PCDH11X: variants seen among roughly 807,000 people sequenced by gnomAD.
The protein encoded by PCDH11X is protocadherin-11 X-linked.
PCDH11X carries 18 observed loss-of-function variants against 53.3 expected under a neutral mutation model. That is an observed-to-expected ratio of 0.34 (90% CI 0.23 to 0.50). PCDH11X has a LOEUF of 0.50. Among genes scored for constraint, PCDH11X ranks in the 20% least tolerant of loss-of-function variants. The pLI, the probability that PCDH11X is intolerant of heterozygous loss-of-function variation, is 0.98. For synonymous variants in PCDH11X, 279 were observed against 393.3 expected (o/e 0.71, Z 3.44); for missense variants, 570 against 1,032.4 (o/e 0.55, Z 6.14).
chrX:92,215,369 G>A (rs1242581926), intron 7 of PCDH11X, among the ~76,000 whole-genome samples: 1 of 106,916 alleles, frequency 9.4e-6, no homozygotes, highest in African/African-American at 3.4e-5. Context: ...CTTTTCCGAT[G>A]AGCTTAAAAA....
chrX:92,486,552 C>A (rs2148679623), intron 10 of PCDH11X, among the ~76,000 whole-genome samples: 1 of 111,772 alleles, frequency 8.9e-6, no homozygotes, highest in South Asian at 3.7e-4. Flanking sequence ...TCACAAGTCA[C>A]AATTTAAAAT....
chrX:92,155,627 T>C, intron 6 of PCDH11X, among the ~76,000 whole-genome samples: 1 of 38,625 alleles, frequency 2.6e-5, no homozygotes, highest in Non-Finnish European at 7.2e-5. Flanking sequence ...CTTTTTTTTT[T>C]TTTTTTTTTT....
At chrX:91,809,201 C>T (rs1166684714) in intron 1 of PCDH11X, among the ~76,000 whole-genome samples, 1 of 111,455 alleles carries the variant, frequency 9.0e-6, no homozygotes, top group Non-Finnish European at 1.9e-5. Flanking sequence ...CCAGATTAAA[C>T]TTTAGACTTT....
At chrX:92,005,506 C>T (rs145791726) in intron 6 of PCDH11X, among the ~76,000 whole-genome samples, 1,221 of 111,621 alleles carry the variant, frequency 0.011, 13 homozygotes, top group Non-Finnish European at 0.017. Context: ...CAACTTTGCT[C>T]CCCCACTTTT....
At chrX:92,331,719 T>G (rs781310050) in intron 8 of PCDH11X, among the ~76,000 whole-genome samples, 2 of 110,969 alleles carry the variant, frequency 1.8e-5, no homozygotes, top group East Asian at 5.7e-4. Flanking sequence ...GATATTTTAT[T>G]CAAATGGTTT....
At chrX:92,442,061 T>A (rs148075002) in intron 9 of PCDH11X, among the ~76,000 whole-genome samples, 3,059 of 111,417 alleles carry the variant, frequency 0.027, 69 homozygotes, top group African/African-American at 0.078. Flanking sequence ...TAGACTTGCA[T>A]GGGGCCTGTA....
chrX:92,037,432 A>G (rs1357257673), intron 6 of PCDH11X, among the ~76,000 whole-genome samples: 1 of 111,683 alleles, frequency 9.0e-6, no homozygotes, highest in Admixed American at 9.5e-5. Context: ...GTGTATATGT[A>G]CCACATTTTC....
rs1369084281 is a variant in PCDH11X, at chrX:92,118,886, C to T, written c.3034-82489C>T. ...CCTCCCGAGTAGCTGGGACTACAGG[C>T]GCCCGCCACCACGCCCAGCTAATTT... On this transcript the variant is annotated intron_variant, in intron 6 of 10. Coordinates refer to ENST00000682573, the MANE Select transcript of PCDH11X (RefSeq NM_032968.5). Among the ~76,000 whole-genome samples the T allele has an allele frequency of 6.8e-5, 7 of 103,193 alleles. No individual in the cohort carries two copies. The East Asian group carries it at 9.2e-4, about 14-fold the overall frequency. 89.6% of individuals were successfully genotyped at this position (103,193 alleles called of 115,157 possible).
intron 10 of PCDH11X, among the ~76,000 whole-genome samples, chrX:92,596,669 A>G (rs1168624426): frequency 9.5e-6 from 1 of 105,664 alleles, no homozygotes; most frequent in Non-Finnish European, 1.9e-5. Context: ...ACTATCCCTA[A>G]AAATAGAGGA....
intron 10 of PCDH11X, among the ~76,000 whole-genome samples, chrX:92,597,538 A>G (rs1925767123): frequency 8.9e-6 from 1 of 111,920 alleles, no homozygotes; most frequent in Non-Finnish European, 1.9e-5. Flanking sequence ...AGAACACCAA[A>G]AAAGGTAAAA....
chrX:91,784,521 C>G (rs1188750784), intron 1 of PCDH11X, among the ~76,000 whole-genome samples: 1 of 111,801 alleles, frequency 8.9e-6, no homozygotes, highest in Non-Finnish European at 1.9e-5. Flanking sequence ...GGGAGACCCC[C>G]ACTCCTTCAG....
At chrX:92,374,082 T>C (rs2148555892) in intron 8 of PCDH11X, among the ~76,000 whole-genome samples, 1 of 107,024 alleles carries the variant, frequency 9.3e-6, no homozygotes, top group Non-Finnish European at 1.9e-5. Flanking sequence ...TTTGAAGTTT[T>C]TATATATAAT....
Position 91,849,361 on chromosome X carries a change from G to T in PCDH11X, c.540+13317G>T, listed in dbSNP as rs752746899. On this transcript the variant is annotated intron_variant, in intron 5 of 10. Transcript: ENST00000682573. ...TAAACTCCTGTCTTGGGGGTTTATT[G>T]TACAGATTAATTCATCACCCAGGTA... Among the ~76,000 whole-genome samples the T allele has an allele frequency of 4.5e-5, 5 of 110,043 alleles. No individual in the cohort carries two copies. In the South Asian group the frequency reaches 1.2e-3, roughly 26 times the overall value.
At chrX:92,336,506 A>G (rs1419452216) in intron 8 of PCDH11X, among the ~76,000 whole-genome samples, 1 of 111,942 alleles carries the variant, frequency 8.9e-6, no homozygotes, top group Non-Finnish European at 1.9e-5. Flanking sequence ...AGCCTTGTAA[A>G]TTTCAAAACC....
At chrX:92,552,857 C>A (rs4535919) in intron 10 of PCDH11X, among the ~76,000 whole-genome samples, 12,203 of 109,941 alleles carry the variant, frequency 0.11, 655 homozygotes, top group East Asian at 0.46. Flanking sequence ...GTGTGTTGAA[C>A]CACTCTTGCA....
intron 6 of PCDH11X, among the ~76,000 whole-genome samples, chrX:91,967,988 C>A (rs1249487752): frequency 9.0e-6 from 1 of 111,367 alleles, no homozygotes; most frequent in Non-Finnish European, 1.9e-5. Flanking sequence ...AAGGGTAATG[C>A]CAGAACTTGA....
chrX:92,447,536 A>G (rs1255147836), intron 9 of PCDH11X, among the ~76,000 whole-genome samples: 2 of 111,731 alleles, frequency 1.8e-5, no homozygotes, highest in African/African-American at 6.5e-5. Context: ...CATGGAAGTC[A>G]AGAAATGAGG....
chrX:92,175,599 TTATATC>T (rs1205244298), intron 6 of PCDH11X, among the ~76,000 whole-genome samples: 6 of 109,262 alleles, frequency 5.5e-5, no homozygotes, highest in Non-Finnish European at 9.5e-5. Context: ...AAAATTATAT[TTATATC>T]TATATATCTA....
At chrX:92,226,403 C>G (rs989738490) in intron 7 of PCDH11X, among the ~76,000 whole-genome samples, 1 of 111,324 alleles carries the variant, frequency 9.0e-6, no homozygotes, top group Non-Finnish European at 1.9e-5. Context: ...CTTGTCCTGT[C>G]TATGCTATTT....
Sources: gnomAD v4.1 joint callset for allele counts (sites outside exome capture counted in the v4.1 genomes callset) on GRCh38, gnomAD v4.1.1 for gene constraint, MANE v1.5 for transcripts, NCBI Gene and HGNC (gene_info 2026-07-23, HGNC 2026-07-21) for gene names.